Variants in KCNT1 observed in about 807,000 individuals in gnomAD.
The protein encoded by KCNT1 is potassium sodium-activated channel subfamily T member 1.
KCNT1 carries 78 observed loss-of-function variants against 147.8 expected under a neutral mutation model. The observed-to-expected ratio is 0.53, with a 90% CI of 0.44 to 0.64. KCNT1 has a LOEUF of 0.64. Ranked by LOEUF, KCNT1 falls within the 30% of genes least tolerant of loss-of-function variation. The probability of loss-of-function intolerance (pLI) is 0.00; values close to 1 mark genes in which losing one functional copy is unlikely to be tolerated. For missense variants in KCNT1, 1,419 were observed against 1,750.3 expected (o/e 0.81, Z 3.38); for synonymous variants, 867 against 748.8 (o/e 1.16, Z -2.58).
Position 135,770,404 on chromosome 9 carries a change from G to A in KCNT1, c.1726G>A (p.Glu576Lys), listed in dbSNP as rs147306623. ...TGACAGCAAGTTCTTCCGCGAGTAC[G>A]AGGGCAAGAGCTTCACCTACGCGGC... is the stretch of plus-strand genomic sequence containing the variant. Reference protein sequence around the residue: ...MGDSKFFREYEGKSFTYAAFH... With the variant: ...MGDSKFFREYKGKSFTYAAFH... Residue 576 changes from glutamate to lysine, a missense_variant, in exon 17 of 31, where the codon GAG becomes AAG. Glu to Lys is a moderately conservative substitution (Grantham distance 56). This residue lies in a region of KCNT1 where 284 missense variants were observed against 292.8 expected (regional missense o/e 0.97). Coordinates refer to ENST00000371757, the MANE Select transcript of KCNT1 (RefSeq NM_020822.3). The A allele has an allele frequency of 1.1e-4, 170 of 1,613,190 alleles. No individual in the cohort carries two copies. The African/African-American group carries it at 1.4e-3, about 13-fold the overall frequency.
chr9:135,787,896 G>A (rs2131588418), intron 29 of KCNT1, among the ~76,000 whole-genome samples: 1 of 152,318 alleles, frequency 6.6e-6, no homozygotes, highest in Admixed American at 6.5e-5. Context: ...CCCAGAGCTG[G>A]TGCCTGCCTC....
At position 135,768,810 on chromosome 9, in the gene KCNT1, C is replaced by T. The variant is rs1372832498; in HGVS notation, c.1402-19C>T. ...CAGAGGCCAGCCCGTCTGCACTGAC[C>T]AACCACCCACCCCGCCAGGACCACC... On this transcript the variant is annotated intron_variant, in intron 14 of 30. Coordinates refer to ENST00000371757, the MANE Select transcript of KCNT1 (RefSeq NM_020822.3). 2 of 1,603,262 alleles carry T rather than the reference C, an allele frequency of 1.2e-6. No homozygotes were observed. The highest frequency in any genetic ancestry group is 1.7e-5 in the Admixed American group (1 of 59,508).
At chr9:135,713,500 TC>T (rs1205967667) in intron 1 of KCNT1, among the ~76,000 whole-genome samples, 2 of 152,116 alleles carry the variant, frequency 1.3e-5, no homozygotes, top group African/African-American at 4.8e-5. Flanking sequence ...TGCCCACCCC[TC>T]CCGACTTGAG....
In KCNT1 at chr9:135,768,772, G is replaced by A. The variant is rs372382147; in HGVS notation, c.1402-57G>A. On this transcript the variant is annotated intron_variant, in intron 14 of 30. Transcript: ENST00000371757. ...AGACCTGCCCCAGGCTGCCGGTGCC[G>A]CCCAGCAGCCCACAGAGGCCAGCCC... 4.5e-5 allele frequency: 70 copies of A among 1,547,664 alleles called. No homozygotes were observed. In the Middle Eastern group the frequency reaches 7.9e-4, roughly 18 times the overall value.
chr9:135,783,597 G>A (rs1366607260), intron 24 of KCNT1, among the ~76,000 whole-genome samples: 1 of 152,236 alleles, frequency 6.6e-6, no homozygotes, highest in Non-Finnish European at 1.5e-5. Flanking sequence ...GGACAGCAGG[G>A]AGCCCGATGC....
chr9:135,721,225 C>G (rs959805594), intron 2 of KCNT1, among the ~76,000 whole-genome samples: 1 of 152,156 alleles, frequency 6.6e-6, no homozygotes, highest in Non-Finnish European at 1.5e-5. Context: ...GCTCCAGCAC[C>G]GGGTCCCCTG....
In KCNT1 at chr9:135,777,491, G is replaced by A. The variant is rs753584318; in HGVS notation, c.2503G>A (p.Val835Met). The A allele has an allele frequency of 1.9e-6, 3 of 1,613,670 alleles. No homozygotes were observed. Among genetic ancestry groups the A allele is most frequent in the Non-Finnish European group, 2.5e-6 (3 of 1,179,870 alleles). ...YRSRKELNPIVLLLDNKPDHH... is the reference protein window; with the variant it reads ...YRSRKELNPIMLLLDNKPDHH... ...ATCCCGCAAGGAGCTGAACCCCATC[G>A]TGCTGCTGCTGGACAACAAGTGAGG... The change falls in exon 21 of 31, where the codon GTG becomes ATG. Residue 835 changes from valine (V) to methionine (M), a missense_variant. This residue lies in a region of KCNT1 where 247 missense variants were observed against 397.1 expected (regional missense o/e 0.62). Transcript: ENST00000371757.
Position 135,792,127 on chromosome 9 carries a change from G to A in KCNT1, c.3674G>A (p.Cys1225Tyr). Residue 1225 changes from cysteine (C) to tyrosine (Y), a missense_variant, in exon 31 of 31, where the codon TGC (cysteine) becomes TAC (tyrosine). Around this residue, in one of 5 missense-constraint regions of KCNT1, gnomAD observed 306 missense variants for 294.2 expected, o/e 1.04. Transcript: ENST00000371757. ...AGCTGCAGCCACAAGCTGTCGTCCT[G>A]CAACCCCGAGACTCGCGACGAGACA... ...KSSCSHKLSSCNPETRDETQL is the reference protein window; with the variant it reads ...KSSCSHKLSSYNPETRDETQL The A allele has an allele frequency of 6.2e-7, 1 of 1,605,968 alleles. No individual in the cohort carries two copies. Among genetic ancestry groups the A allele is most frequent in the Non-Finnish European group, 8.5e-7 (1 of 1,179,586 alleles).
chr9:135,770,436 C>T lies in KCNT1; in HGVS notation c.1758C>T (p.His586=), dbSNP rs142760483. 107 of 1,611,382 alleles carry T rather than the reference C, an allele frequency of 6.6e-5. No individual in the cohort carries two copies. The highest frequency in any genetic ancestry group is 8.2e-5 in the Non-Finnish European group (97 of 1,178,858). Residue 586 remains histidine, a synonymous_variant, in exon 17 of 31, where the codon CAC becomes CAT. Transcript: ENST00000371757. Reference sequence around the variant, plus strand: ...AGAGCTTCACCTACGCGGCCTTCCACGCCCACAAGAAGTAAGGCCGGGCTG... The same window carrying T: ...AGAGCTTCACCTACGCGGCCTTCCATGCCCACAAGAAGTAAGGCCGGGCTG... ...EGKSFTYAAF[H]AHKKYGVCLI... is the part of the protein sequence containing the mutation.
chr9:135,708,431 T>G (rs913049623), intron 1 of KCNT1, among the ~76,000 whole-genome samples: 1 of 152,204 alleles, frequency 6.6e-6, no homozygotes, highest in Non-Finnish European at 1.5e-5. Context: ...ATCTCCCTCC[T>G]CCCTAACTTC....
rs772807378 is a variant in KCNT1 at position 135,756,918 on chromosome 9, T to C, written c.586T>C (p.Tyr196His). Residue 196 changes from tyrosine to histidine, a missense_variant, in exon 7 of 31, where the codon TAC (tyrosine) becomes CAC (histidine). Tyr to His is a moderately conservative substitution (Grantham distance 83, BLOSUM62 2). This residue lies in a region of KCNT1 where 401 missense variants were observed against 610.6 expected (regional missense o/e 0.66). Coordinates refer to ENST00000371757, the MANE Select transcript of KCNT1 (RefSeq NM_020822.3). ...CTTCCTGGAGACGATGCTTCTCATC[T>C]ACCTCAGCTACAAAGTGAGTGCCTG... ...ISFLETMLLI[Y>H]LSYKGNIWEQ... 7 of 1,612,956 alleles carry C rather than the reference T, an allele frequency of 4.3e-6. No homozygotes were observed. In the South Asian group the frequency reaches 4.4e-5, roughly 10 times the overall value.
At chr9:135,743,549 C>T (rs533712261) in intron 2 of KCNT1, among the ~76,000 whole-genome samples, 1 of 152,326 alleles carries the variant, frequency 6.6e-6, no homozygotes, top group African/African-American at 2.4e-5. Context: ...ACCACCGGAC[C>T]TCTATCTTCC....
chr9:135,756,967 G>A (rs1831522542), intron 7 of KCNT1, 35 bp downstream of exon 7: 1 of 1,239,698 alleles, frequency 8.1e-7, no homozygotes, highest in Non-Finnish European at 1.2e-6. Flanking sequence ...CTCACAGGGG[G>A]TCCCCACCCT....
At chr9:135,712,417 G>A (rs937800884) in intron 1 of KCNT1, among the ~76,000 whole-genome samples, 13 of 152,290 alleles carry the variant, frequency 8.5e-5, no homozygotes, top group Admixed American at 4.6e-4. Context: ...GGTCACACAG[G>A]GAGGACAGCG....
At chr9:135,713,293 T>C (rs1244242753) in intron 1 of KCNT1, among the ~76,000 whole-genome samples, 1 of 152,284 alleles carries the variant, frequency 6.6e-6, no homozygotes, top group South Asian at 2.1e-4. Flanking sequence ...GCTACGCTGA[T>C]GCAGTTAGGA....
intron 1 of KCNT1, among the ~76,000 whole-genome samples, chr9:135,708,949 G>A (rs893404591): frequency 5.9e-5 from 9 of 152,208 alleles, no homozygotes; most frequent in Non-Finnish European, 1.2e-4. Flanking sequence ...AGCCCCACCC[G>A]GGGCAGAAAT....
Position 135,732,024 on chromosome 9 carries a change from A to AGAGAGG in KCNT1, c.254+17309_254+17310insGGAGAG, listed in dbSNP as rs1554766188. 3.8e-3 allele frequency among the ~76,000 whole-genome samples: 244 copies of AGAGAGG among 65,064 alleles called. 12 individuals are homozygous for AGAGAGG. The highest frequency in any genetic ancestry group is 9.5e-3 in the South Asian group (14 of 1,474). The allele number at this position is 65,064 out of a possible 152,430, so 42.7% of individuals were successfully genotyped here. On this transcript the variant is annotated intron_variant, in intron 2 of 30. Transcript: ENST00000371757. Reference sequence around the variant, plus strand: ...GAGAGAGAGAGAGAGAGAGAGAGAGAGAGAGAGAGAGAGAGAGGGAGTCTC... The same window carrying AGAGAGG: ...GAGAGAGAGAGAGAGAGAGAGAGAGAGAGAGGGAGAGAGAGAGAGAGAGGGAGTCTC...
chr9:135,776,124 T>C (rs1833153964), intron 20 of KCNT1, among the ~76,000 whole-genome samples: 1 of 152,070 alleles, frequency 6.6e-6, no homozygotes, highest in Non-Finnish European at 1.5e-5. Context: ...GTCAGTAGGG[T>C]TTCCCCACTG....
At chr9:135,721,161 C>T (rs960065713) in intron 2 of KCNT1, among the ~76,000 whole-genome samples, 11 of 152,146 alleles carry the variant, frequency 7.2e-5, no homozygotes, top group African/African-American at 2.7e-4. Context: ...CTGAAGTGGC[C>T]CCCAACGCTC....
Sources: allele counts gnomAD v4.1 joint callset (sites outside exome capture counted in the v4.1 genomes callset), GRCh38; gene constraint gnomAD v4.1.1; regional missense constraint gnomAD v4.1.1; transcripts MANE v1.5; gene names NCBI Gene and HGNC (gene_info 2026-07-23, HGNC 2026-07-21).